The following PARP15 variants were observed in gnomAD, a reference collection of about 807,000 sequenced individuals.
PARP15 encodes poly(ADP-ribose) polymerase family member 15.
In PARP15, 50 loss-of-function variants were observed where a neutral mutation model predicts 62.1. The ratio of observed to expected loss-of-function variants is 0.81; its 90% CI spans 0.64 to 1.02. The LOEUF is 1.02. Among genes scored for constraint, PARP15 ranks in the 50% least tolerant of loss-of-function variants. The pLI, the probability that PARP15 is intolerant of heterozygous loss-of-function variation, is 0.00. For missense variants in PARP15, 820 were observed against 826.5 expected (o/e 0.99, Z 0.10); for synonymous variants, 309 against 293.1 (o/e 1.05, Z -0.55).
chr3:122,607,594 A>G (rs941908863), intron 2 of PARP15, among the ~76,000 whole-genome samples: 4 of 152,232 alleles, frequency 2.6e-5, no homozygotes, highest in African/African-American at 9.6e-5. Context: ...ACCTTACTCA[A>G]TTAGTACTAC....
chr3:122,617,029 GT>G lies in PARP15; in HGVS notation c.866del (p.Val289AlafsTer11). The G allele has an allele frequency of 6.2e-7, 1 of 1,614,078 alleles. No individual in the cohort carries two copies. The highest frequency in any genetic ancestry group is 8.5e-7 in the Non-Finnish European group (1 of 1,179,994). ...AGDTQGVVGT[V>X]SKPCFTAYEM... ...TTTCTTTTCAGGTGTGGTCGGGACT[GT>G]CTCTAAGCCTTGTTTCACAGCATAT... On this transcript the variant is annotated frameshift_variant, in exon 6 of 12. Transcript: ENST00000464300. LOFTEE classifies it high-confidence loss of function.
At chr3:122,624,481 G>A (rs957777420) in intron 8 of PARP15, among the ~76,000 whole-genome samples, 7 of 152,172 alleles carry the variant, frequency 4.6e-5, no homozygotes, top group African/African-American at 1.7e-4. Context: ...CTGTGACATG[G>A]AAACTATTAG....
At chr3:122,633,299 T>C (rs1298825760) in intron 10 of PARP15, among the ~76,000 whole-genome samples, 1 of 152,204 alleles carries the variant, frequency 6.6e-6, no homozygotes, top group Non-Finnish European at 1.5e-5. Flanking sequence ...CTTGATTGAA[T>C]GAATGAGCTT....
At chr3:122,608,375 C>G (rs1380414530) in intron 2 of PARP15, among the ~76,000 whole-genome samples, 1 of 151,990 alleles carries the variant, frequency 6.6e-6, no homozygotes, top group African/African-American at 2.4e-5. Flanking sequence ...ACCACCATGC[C>G]CAGCTAATTT....
intron 4 of PARP15, chr3:122,615,128 G>T (rs1439698742): frequency 1.0e-6 from 1 of 984,786 alleles, no homozygotes; most frequent in East Asian, 1.1e-4. Context: ...AAAGAAAATG[G>T]ATGAAGACAA....
intron 6 of PARP15, among the ~76,000 whole-genome samples, chr3:122,618,415 G>T (rs971333694): frequency 1.3e-5 from 2 of 152,186 alleles, no homozygotes; most frequent in African/African-American, 2.4e-5. Flanking sequence ...AGACGATGGG[G>T]AGCTGCTAGC....
chr3:122,582,316 C>T (rs1933017601), intron 1 of PARP15, among the ~76,000 whole-genome samples: 1 of 152,084 alleles, frequency 6.6e-6, no homozygotes, highest in Non-Finnish European at 1.5e-5. Context: ...GGACCACAAG[C>T]ATGCACCATC....
At chr3:122,578,527 A>G (rs952060125) in intron 1 of PARP15, among the ~76,000 whole-genome samples, 1 of 152,128 alleles carries the variant, frequency 6.6e-6, no homozygotes, top group Non-Finnish European at 1.5e-5. Context: ...CAGCTTTATC[A>G]TGTACTAGAC....
chr3:122,588,513 C>T (rs1474013452), intron 1 of PARP15, among the ~76,000 whole-genome samples: 3 of 152,090 alleles, frequency 2.0e-5, no homozygotes, highest in African/African-American at 7.2e-5. Flanking sequence ...AAATTTTCAG[C>T]AAGGTGTGGT....
chr3:122,614,923 G>C (rs1935838055), intron 4 of PARP15: 1 of 287,556 alleles, frequency 3.5e-6, no homozygotes, highest in African/African-American at 2.3e-5. Flanking sequence ...CCAGCTACTT[G>C]GGAGGCTGAG....
At chr3:122,592,739 T>C (rs1162497932) in intron 1 of PARP15, among the ~76,000 whole-genome samples, 1 of 152,172 alleles carries the variant, frequency 6.6e-6, no homozygotes, top group Admixed American at 6.5e-5. Context: ...AGGCAAGTAG[T>C]ATCATTATCC....
At chr3:122,622,937 T>G (rs1936440348) in intron 8 of PARP15, among the ~76,000 whole-genome samples, 1 of 152,138 alleles carries the variant, frequency 6.6e-6, no homozygotes, top group Non-Finnish European at 1.5e-5. Context: ...CACCATCATT[T>G]TAGCTCAACT....
chr3:122,635,124 T>A lies in PARP15; in HGVS notation c.1677T>A (p.His559Gln), dbSNP rs767118070. ...AGAATAATGAGAGACTCCTCTTCCA[T>A]GGGACAGATGCAGACTCAGTGCCAT... ...DHKNNERLLF[H>Q]GTDADSVPYV... Residue 559 changes from histidine to glutamine, a missense_variant, in exon 11 of 12, where the codon CAT (histidine) becomes CAA (glutamine). Around this residue, in one of 3 missense-constraint regions of PARP15, gnomAD observed 731 missense variants for 727.7 expected, o/e 1.00. Transcript: ENST00000464300. 1.2e-6 allele frequency: 2 copies of A among 1,614,064 alleles called. No homozygotes were observed. The highest frequency in any genetic ancestry group is 1.7e-6 in the Non-Finnish European group (2 of 1,179,956).
chr3:122,606,672 C>T (rs972043632), intron 2 of PARP15, among the ~76,000 whole-genome samples: 2 of 152,120 alleles, frequency 1.3e-5, no homozygotes, highest in South Asian at 2.1e-4. Context: ...TTTAAAAATA[C>T]GGACTCCCAG....
In PARP15 at chr3:122,638,449, T is replaced by C. The variant is rs1937473784; in HGVS notation, c.*2349T>C. 6.6e-6 allele frequency: 1 copy of C among 152,198 alleles called. No individual in the cohort carries two copies. Among genetic ancestry groups the C allele is most frequent in the Non-Finnish European group, 1.5e-5 (1 of 68,040 alleles). 9.4% of individuals were successfully genotyped at this position (152,198 alleles called of 1,614,324 possible). A position where few individuals can be genotyped will look rare whatever the true frequency, so the allele number is the denominator to read the frequency against. On this transcript the variant is annotated 3_prime_UTR_variant, in exon 12 of 12. Transcript: ENST00000464300. ...AAAGTGTTCCTATTTCTCCACATCC[T>C]CTCCAGCACCTGTTGCTTCCTAACT...
intron 6 of PARP15, among the ~76,000 whole-genome samples, chr3:122,619,015 C>T (rs1307880600): frequency 2.0e-5 from 3 of 152,122 alleles, no homozygotes; most frequent in African/African-American, 7.2e-5. Flanking sequence ...TTTTATAACA[C>T]ATATATAATC....
Position 122,632,089 on chromosome 3 carries a change from A to G in PARP15, c.1442A>G (p.Asn481Ser). 1 of 1,614,020 alleles carries G rather than the reference A, an allele frequency of 6.2e-7. No homozygotes were observed. Among genetic ancestry groups the G allele is most frequent in the Non-Finnish European group, 8.5e-7 (1 of 1,179,958 alleles). ...TGACCAAATGCTGACTTTCCAGGTA[A>G]TCTTCCTGAACACTGGACTGACATG... ...FQSTFSMTTC[N>S]LPEHWTDMNH... is the part of the protein sequence containing the mutation. The change falls in exon 10 of 12, where the codon AAT becomes AGT. Residue 481 changes from asparagine to serine, a missense_variant. This residue lies in a region of PARP15 where 731 missense variants were observed against 727.7 expected (regional missense o/e 1.00). Coordinates refer to ENST00000464300, the MANE Select transcript of PARP15 (RefSeq NM_001113523.3).
chr3:122,614,973 T>C lies in PARP15; in HGVS notation c.772-806T>C, dbSNP rs374106901. 7 of 707,454 alleles carry C rather than the reference T, an allele frequency of 9.9e-6. No individual in the cohort carries two copies. In the East Asian group the frequency reaches 9.7e-4, roughly 98 times the overall value. 43.8% of individuals were successfully genotyped at this position (707,454 alleles called of 1,614,324 possible). On this transcript the variant is annotated intron_variant, in intron 4 of 11. Coordinates refer to ENST00000464300, the MANE Select transcript of PARP15 (RefSeq NM_001113523.3). Reference sequence around the variant, plus strand: ...TGAGTCCAGGGGGTTGAGGCTGCAGTGAGTCAAGATCATGCCACTGCACTC... The same window carrying C: ...TGAGTCCAGGGGGTTGAGGCTGCAGCGAGTCAAGATCATGCCACTGCACTC...
intron 4 of PARP15, chr3:122,615,306 G>A (rs1175775938): frequency 2.3e-6 from 3 of 1,290,168 alleles, no homozygotes; most frequent in Non-Finnish European, 3.0e-6. Context: ...CTGGACCTAA[G>A]AGATGAAGCA....
Sources: gnomAD v4.1 joint callset for allele counts (sites outside exome capture counted in the v4.1 genomes callset) on GRCh38, gnomAD v4.1.1 for gene constraint, gnomAD v4.1.1 regional missense constraint, MANE v1.5 for transcripts, NCBI Gene and HGNC (gene_info 2026-07-23, HGNC 2026-07-21) for gene names.